ERICH1: variants seen among roughly 807,000 people sequenced by gnomAD.
ERICH1 encodes glutamate rich 1.
In ERICH1, 56 loss-of-function variants were observed where a neutral mutation model predicts 39.6. The observed-to-expected ratio is 1.41, with a 90% CI of 1.14 to 1.77. The LOEUF (loss-of-function observed/expected upper bound fraction) is 1.77, where lower values mean the gene tolerates loss of function less well. ERICH1 is among the 40% of genes most tolerant of loss of function. The probability of loss-of-function intolerance (pLI) is 0.00; values close to 1 mark genes in which losing one functional copy is unlikely to be tolerated. For synonymous variants in ERICH1, 313 were observed against 223.6 expected (o/e 1.40, Z -3.57); for missense variants, 826 against 575.4 (o/e 1.44, Z -4.45).
intron 3 of ERICH1, among the ~76,000 whole-genome samples, chr8:655,462 T>A (rs1800515061): frequency 6.6e-6 from 1 of 152,222 alleles, no homozygotes; most frequent in African/African-American, 2.4e-5. Flanking sequence ...TACGTGTGCG[T>A]TTCGTGTTCT....
chr8:619,307 C>A (rs1192585309), intron 3 of ERICH1, among the ~76,000 whole-genome samples: 1 of 152,098 alleles, frequency 6.6e-6, no homozygotes, highest in African/African-American at 2.4e-5. Context: ...CGAGGGGGGC[C>A]CGGTGAGACC....
chr8:727,722 C>T (rs757898821), intron 1 of ERICH1, among the ~76,000 whole-genome samples: 1 of 152,210 alleles, frequency 6.6e-6, no homozygotes, highest in African/African-American at 2.4e-5. Flanking sequence ...GCCTTCCCTA[C>T]AGAAGGCCCA....
chr8:643,583 C>G (rs569428439), intron 3 of ERICH1, among the ~76,000 whole-genome samples: 2 of 152,350 alleles, frequency 1.3e-5, no homozygotes, highest in South Asian at 4.1e-4. Flanking sequence ...ACCCCCTCAC[C>G]TTTGAAGAAA....
intron 2 of ERICH1, among the ~76,000 whole-genome samples, chr8:704,265 G>C (rs1812775216): frequency 6.6e-6 from 1 of 152,134 alleles, no homozygotes; most frequent in Non-Finnish European, 1.5e-5. Flanking sequence ...GAAATGAAAA[G>C]ACTGAGGCCC....
At chr8:709,533 C>T (rs3779742) in intron 2 of ERICH1, among the ~76,000 whole-genome samples, 36,700 of 152,188 alleles carry the variant, frequency 0.24, 5,590 homozygotes, top group Non-Finnish European at 0.34. Context: ...ATCTTTTACC[C>T]TTTGAGACTA....
At chr8:658,027 C>A (rs986371102) in intron 3 of ERICH1, among the ~76,000 whole-genome samples, 1 of 152,228 alleles carries the variant, frequency 6.6e-6, no homozygotes, top group African/African-American at 2.4e-5. Flanking sequence ...CCGATCCCCA[C>A]GGACCATGTT....
Position 673,685 on chromosome 8 carries a change from C to T in ERICH1, c.667G>A (p.Glu223Lys), listed in dbSNP as rs1056382535. The change falls in exon 4 of 6, where the codon GAG becomes AAG. Residue 223 changes from glutamate to lysine, a missense_variant. By Grantham distance (56) the Glu-to-Lys change is moderately conservative. Transcript: ENST00000262109. ...TCCCTGGTATCTTTAACGTCTTCCTCCCCGGCCAGTGTCGGGTCTTCCTCG... is the reference window on the plus strand; with the variant it reads ...TCCCTGGTATCTTTAACGTCTTCCTTCCCGGCCAGTGTCGGGTCTTCCTCG... ...TSEEDPTLAGEEDVKDTREED... is the reference protein window; with the variant it reads ...TSEEDPTLAGKEDVKDTREED... 2 of 1,613,954 alleles carry T rather than the reference C, an allele frequency of 1.2e-6. No individual in the cohort carries two copies. The highest frequency in any genetic ancestry group is 1.7e-6 in the Non-Finnish European group (2 of 1,179,860).
chr8:682,148 A>T (rs1020443718), intron 3 of ERICH1, among the ~76,000 whole-genome samples: 1 of 151,880 alleles, frequency 6.6e-6, no homozygotes, highest in Non-Finnish European at 1.5e-5. Flanking sequence ...ACCTAGGGTG[A>T]TGTCCTGAAT....
At chr8:661,678 GAC>G (rs756547448), downstream of ERICH1, among the ~76,000 whole-genome samples, 3 of 152,320 alleles carry the variant, frequency 2.0e-5, no homozygotes, top group Non-Finnish European at 2.9e-5. Flanking sequence ...ACATATTAGA[GAC>G]AAGATTTATT....
At position 697,160 on chromosome 8, in the gene ERICH1, C is replaced by G. The variant is rs954907738; in HGVS notation, c.170-4548G>C. Among the ~76,000 whole-genome samples the G allele has an allele frequency of 2.0e-5, 3 of 152,166 alleles. No homozygotes were observed. In the East Asian group the frequency reaches 5.8e-4, roughly 29 times the overall value. ...TCTTTCCTCTGTCTTTGAAATGAAT[C>G]CAGCAGCGAACTCTCGTGGCCTCTT... On this transcript the variant is annotated intron_variant, in intron 2 of 5. Transcript: ENST00000262109.
At chr8:628,563 G>C (rs974573661) in intron 3 of ERICH1, among the ~76,000 whole-genome samples, 6 of 152,226 alleles carry the variant, frequency 3.9e-5, no homozygotes, top group Non-Finnish European at 8.8e-5. Context: ...TGGGACCCGA[G>C]AGGACTCCCT....
chr8:660,728 G>A (rs1336455011), downstream of ERICH1, among the ~76,000 whole-genome samples: 1 of 152,256 alleles, frequency 6.6e-6, no homozygotes, highest in Non-Finnish European at 1.5e-5. Flanking sequence ...CTGGGAGGGA[G>A]CAAGAGATGA....
chr8:652,136 G>A (rs1457400905), intron 3 of ERICH1, among the ~76,000 whole-genome samples: 1 of 152,154 alleles, frequency 6.6e-6, no homozygotes, highest in Non-Finnish European at 1.5e-5. Flanking sequence ...GATTGCCCTG[G>A]TGCTCCATGC....
At chr8:719,821 C>T (rs1282160625) in intron 1 of ERICH1, among the ~76,000 whole-genome samples, 1 of 152,228 alleles carries the variant, frequency 6.6e-6, no homozygotes, top group Non-Finnish European at 1.5e-5. Context: ...GACCATCACC[C>T]TGTACTGTCC....
chr8:635,586 G>C (rs1474150467), intron 3 of ERICH1, among the ~76,000 whole-genome samples: 11 of 152,218 alleles, frequency 7.2e-5, no homozygotes, highest in Non-Finnish European at 1.3e-4. Context: ...GTGGCCAGCC[G>C]GCCCGGCCCC....
rs1419394056 is a variant in ERICH1, at chr8:644,998, C to T, written c.976+23600G>A. Among the ~76,000 whole-genome samples, 2 of 69,098 alleles carry T rather than the reference C, an allele frequency of 2.9e-5. 1 individual carries two copies. 45.3% of individuals were successfully genotyped at this position (69,098 alleles called of 152,430 possible). A position where few individuals can be genotyped will look rare whatever the true frequency, so the allele number is the denominator to read the frequency against. On this transcript the variant is annotated intron_variant, in intron 3 of 3. Coordinates refer to the ERICH1 transcript ENST00000522706. ...AAGGAATGAGATCCTTCTCCTCCCA[C>T]GGGCTGGTCACTGCTGTAATCTCTC...
rs771121378 is a variant in ERICH1 at position 673,932 on chromosome 8, C to G, written c.420G>C (p.Gln140His). The G allele has an allele frequency of 1.9e-6, 3 of 1,612,604 alleles. No individual in the cohort carries two copies. Among genetic ancestry groups the G allele is most frequent in the East Asian group, 2.2e-5 (1 of 44,898 alleles). Residue 140 changes from glutamine to histidine, a missense_variant, in exon 4 of 6, where the codon CAG (glutamine) becomes CAC (histidine). Physicochemically the swap from Gln to His is conservative, Grantham distance 24. Transcript: ENST00000262109. ...GCTGAGATTTCTCCTGTAACAGACT[C>G]TGCTGTTTCTCTAATTCTGCTTGTT... ...LIEQAELEKQ[Q>H]SLLQEKSQRQ...
chr8:628,704 C>T (rs1306949159), intron 3 of ERICH1, among the ~76,000 whole-genome samples: 1 of 152,218 alleles, frequency 6.6e-6, no homozygotes, highest in African/African-American at 2.4e-5. Context: ...GGGAATAACA[C>T]CCTGTGGGCC....
At chr8:638,430 C>T (rs143716673) in intron 3 of ERICH1, among the ~76,000 whole-genome samples, 6 of 152,084 alleles carry the variant, frequency 3.9e-5, no homozygotes, top group Non-Finnish European at 5.9e-5. Flanking sequence ...GCAGGTGGGC[C>T]GGTCGTGCCT....
Sources: allele counts gnomAD v4.1 joint callset (sites outside exome capture counted in the v4.1 genomes callset), GRCh38; gene constraint gnomAD v4.1.1; transcripts MANE v1.5; gene names NCBI Gene and HGNC (gene_info 2026-07-23, HGNC 2026-07-21).